Variants in TOX3 observed in about 807,000 individuals in gnomAD.
TOX3 encodes the protein TOX high mobility group box family member 3, also known as CAG trinucleotide repeat-containing gene F9 protein.
A neutral mutation model predicts 64.3 loss-of-function variants in TOX3; 22 were observed. The ratio of observed to expected loss-of-function variants is 0.34; its 90% CI spans 0.24 to 0.49. The LOEUF (loss-of-function observed/expected upper bound fraction) is 0.49, where lower values mean the gene tolerates loss of function less well. Among genes scored for constraint, TOX3 ranks in the 20% least tolerant of loss-of-function variants. The pLI, the probability that TOX3 is intolerant of heterozygous loss-of-function variation, is 0.99. For missense variants in TOX3, 661 were observed against 714.4 expected (o/e 0.93, Z 0.85); for synonymous variants, 291 against 273.6 (o/e 1.06, Z -0.63).
chr16:52,542,224 C>A (rs1484101973), intron 1 of TOX3, among the ~76,000 whole-genome samples: 1 of 152,164 alleles, frequency 6.6e-6, no homozygotes, highest in Non-Finnish European at 1.5e-5. Context: ...TCACAAATTT[C>A]TTTACGCAGC....
At chr16:52,488,673 C>T (rs1016995467) in intron 1 of TOX3, among the ~76,000 whole-genome samples, 12 of 152,108 alleles carry the variant, frequency 7.9e-5, no homozygotes, top group African/African-American at 2.4e-4. Flanking sequence ...TACTTGGGTT[C>T]TAGGAAGTAG....
chr16:52,492,425 T>C (rs1961713260), intron 1 of TOX3, among the ~76,000 whole-genome samples: 1 of 145,802 alleles, frequency 6.9e-6, no homozygotes, highest in South Asian at 2.1e-4. Flanking sequence ...GAATATTATA[T>C]ATATATTAGT....
chr16:52,498,393 G>A (rs1298475348), intron 1 of TOX3, among the ~76,000 whole-genome samples: 1 of 152,222 alleles, frequency 6.6e-6, no homozygotes, highest in Non-Finnish European at 1.5e-5. Flanking sequence ...TGGGAAAAAT[G>A]AGAACAATAC....
chr16:52,524,368 G>C (rs1315917874), intron 1 of TOX3, among the ~76,000 whole-genome samples: 1 of 152,128 alleles, frequency 6.6e-6, no homozygotes, highest in Non-Finnish European at 1.5e-5. Flanking sequence ...ATTAAAAATG[G>C]AATTTGAGAA....
intron 1 of TOX3, among the ~76,000 whole-genome samples, chr16:52,506,497 G>A (rs927724909): frequency 6.6e-6 from 1 of 152,068 alleles, no homozygotes; most frequent in Admixed American, 6.5e-5. Context: ...GAAAGAACTG[G>A]CATGCACAAC....
chr16:52,507,420 CA>C (rs1393422642), intron 1 of TOX3, among the ~76,000 whole-genome samples: 3 of 152,136 alleles, frequency 2.0e-5, no homozygotes, highest in African/African-American at 7.2e-5. Context: ...AACATCTTTG[CA>C]TTAAAAAATG....
intron 6 of TOX3, 27 bp from the exon 7 acceptor site, chr16:52,439,995 A>T (rs1013492771): frequency 6.7e-7 from 1 of 1,492,564 alleles, no homozygotes; most frequent in African/African-American, 1.4e-5. Flanking sequence ...AAAATTCCAG[A>T]CTGTTACAAC....
At chr16:52,484,905 A>G (rs1961468742) in intron 1 of TOX3, among the ~76,000 whole-genome samples, 1 of 152,086 alleles carries the variant, frequency 6.6e-6, no homozygotes, top group African/African-American at 2.4e-5. Context: ...CTACCCAAAG[A>G]AAAAGAAATC....
chr16:52,456,035 G>C (rs948655668), intron 3 of TOX3, among the ~76,000 whole-genome samples: 2 of 152,132 alleles, frequency 1.3e-5, no homozygotes, highest in African/African-American at 4.8e-5. Flanking sequence ...CTGCCGATAA[G>C]GAAATGACAG....
chr16:52,479,408 G>A (rs1479378299), intron 1 of TOX3, among the ~76,000 whole-genome samples: 1 of 152,208 alleles, frequency 6.6e-6, no homozygotes, highest in Non-Finnish European at 1.5e-5. Flanking sequence ...ACTTGCGAAT[G>A]TTTGCAGGTA....
At position 52,439,757 on chromosome 16, in the gene TOX3, G is replaced by C. The variant is rs1294465822; in HGVS notation, c.1199C>G (p.Ser400Ter). Reference sequence around the variant, plus strand: ...GGGCATGTTGGCTGCAATGGTGACTGATGTGACAATCTGGTTCATGGGGAG... The same window carrying C: ...GGGCATGTTGGCTGCAATGGTGACTCATGTGACAATCTGGTTCATGGGGAG... ...MRLPMNQIVT[S>*]VTIAANMPSN... Residue 400 changes from serine (S) to a stop codon, truncating the protein, a stop_gained, in exon 7 of 7, where the codon TCA becomes TGA. Coordinates refer to ENST00000219746, the MANE Select transcript of TOX3 (RefSeq NM_001080430.4). LOFTEE classifies it high-confidence loss of function. 1 of 1,613,870 alleles carries C rather than the reference G, an allele frequency of 6.2e-7. No individual in the cohort carries two copies. Among genetic ancestry groups the C allele is most frequent in the Non-Finnish European group, 8.5e-7 (1 of 1,179,884 alleles).
intron 4 of TOX3, among the ~76,000 whole-genome samples, chr16:52,449,685 A>G (rs1306366132): frequency 6.6e-6 from 1 of 152,280 alleles, no homozygotes; most frequent in Non-Finnish European, 1.5e-5. Flanking sequence ...CTAATGAGTA[A>G]TTATGTACTA....
chr16:52,458,156 C>T (rs1960578322), intron 3 of TOX3, among the ~76,000 whole-genome samples: 1 of 152,120 alleles, frequency 6.6e-6, no homozygotes, highest in Non-Finnish European at 1.5e-5. Flanking sequence ...TAAGTATGCT[C>T]TTAATAACAA....
intron 1 of TOX3, among the ~76,000 whole-genome samples, chr16:52,498,089 A>G (rs900749151): frequency 1.3e-5 from 2 of 152,194 alleles, no homozygotes; most frequent in Non-Finnish European, 2.9e-5. Flanking sequence ...AAATAAAAAG[A>G]CAACACAATT....
chr16:52,489,794 T>A (rs1961626737), intron 1 of TOX3, among the ~76,000 whole-genome samples: 1 of 152,122 alleles, frequency 6.6e-6, no homozygotes, highest in South Asian at 2.1e-4. Flanking sequence ...CAGAAATCAA[T>A]CACTCTATTA....
chr16:52,500,771 TAA>T (rs568153361), intron 1 of TOX3, among the ~76,000 whole-genome samples: 159 of 152,350 alleles, frequency 1.0e-3, no homozygotes, highest in African/African-American at 3.7e-3. Flanking sequence ...TCATAAAATC[TAA>T]GACACCATTG....
At chr16:52,472,374 C>T (rs1961074264) in intron 1 of TOX3, among the ~76,000 whole-genome samples, 1 of 152,158 alleles carries the variant, frequency 6.6e-6, no homozygotes, top group African/African-American at 2.4e-5. Flanking sequence ...TGTGAAATCA[C>T]AGTTTGGGAA....
intron 1 of TOX3, among the ~76,000 whole-genome samples, chr16:52,523,326 C>T (rs1962652888): frequency 6.6e-6 from 1 of 152,108 alleles, no homozygotes. Context: ...TCAGACAGGC[C>T]TTGATGAGGT....
At position 52,455,629 on chromosome 16, in the gene TOX3, C is replaced by T. The variant is rs1464978150; in HGVS notation, c.409-5083G>A. Among the ~76,000 whole-genome samples, 7 of 152,010 alleles carry T rather than the reference C, an allele frequency of 4.6e-5. No homozygotes were observed. In the East Asian group the frequency reaches 7.7e-4, roughly 17 times the overall value. On this transcript the variant is annotated intron_variant, in intron 3 of 6. Coordinates refer to ENST00000219746, the MANE Select transcript of TOX3 (RefSeq NM_001080430.4). Reference sequence around the variant, plus strand: ...AAAGAGAGTTATTGGGGAAGGATGGCTACATTTGATTGGGTCAATAGGAAA... The same window carrying T: ...AAAGAGAGTTATTGGGGAAGGATGGTTACATTTGATTGGGTCAATAGGAAA...
Sources: gnomAD v4.1 joint callset for allele counts (sites outside exome capture counted in the v4.1 genomes callset) on GRCh38, gnomAD v4.1.1 for gene constraint, MANE v1.5 for transcripts, NCBI Gene and HGNC (gene_info 2026-07-23, HGNC 2026-07-21) for gene names.